Variants in SEMA3D observed in about 807,000 individuals in gnomAD.
SEMA3D encodes semaphorin 3D, also known as semaphorin-3D.
SEMA3D carries 84 observed loss-of-function variants against 100.1 expected under a neutral mutation model. The observed-to-expected ratio is 0.84, with a 90% CI of 0.70 to 1.01. SEMA3D has a LOEUF of 1.01. SEMA3D is among the 50% of genes least tolerant of loss of function. The probability of loss-of-function intolerance (pLI) is 0.00; values close to 1 mark genes in which losing one functional copy is unlikely to be tolerated. For missense variants in SEMA3D, 875 were observed against 934.1 expected, an observed-to-expected ratio of 0.94 and a Z score of 0.82; for synonymous variants, 312 against 320.7, an observed-to-expected ratio of 0.97 and a Z score of 0.29.
At chr7:85,143,179 ATCAGG>A in intron 2 of SEMA3D, 1 of 977,796 alleles carries the variant, frequency 1.0e-6, no homozygotes, top group Non-Finnish European at 1.2e-6. Context: ...TGCATATAAA[ATCAGG>A]TCATATGAGA....
At chr7:85,052,547 G>T (rs945076993) in intron 9 of SEMA3D, among the ~76,000 whole-genome samples, 1 of 151,894 alleles carries the variant, frequency 6.6e-6, no homozygotes, top group East Asian at 1.9e-4. Context: ...TGAAATGCCT[G>T]GCCTCCATTC....
At chr7:85,114,949 G>A (rs1789194879) in intron 3 of SEMA3D, among the ~76,000 whole-genome samples, 1 of 151,966 alleles carries the variant, frequency 6.6e-6, no homozygotes, top group African/African-American at 2.4e-5. Flanking sequence ...TGATTACAAA[G>A]ACAATTTATC....
Position 85,022,464 on chromosome 7 carries a change from G to A in SEMA3D, c.1341C>T (p.Tyr447=). ...GATCCACCACTATCTGTGTCAGTCT[G>A]TAATCCACATTGATTCTCTTGAACG... ...GPTFKRINVD[Y]RLTQIVVDHV... Residue 447 remains tyrosine, a synonymous_variant, in exon 13 of 19, where the codon TAC becomes TAT. Coordinates refer to ENST00000284136, the MANE Select transcript of SEMA3D (RefSeq NM_001384900.1). The A allele has an allele frequency of 6.2e-7, 1 of 1,612,520 alleles. No individual in the cohort carries two copies. Among genetic ancestry groups the A allele is most frequent in the Non-Finnish European group, 8.5e-7 (1 of 1,178,948 alleles).
At chr7:85,240,912 A>G in the SEMA3D span, among the ~76,000 whole-genome samples, 2 of 152,118 alleles carry the variant, frequency 1.3e-5, no homozygotes, top group Non-Finnish European at 2.9e-5. Flanking sequence ...TTCACAATCT[A>G]TTCATCTGAC....
the SEMA3D span, among the ~76,000 whole-genome samples, chr7:85,246,122 T>C: frequency 6.6e-6 from 1 of 152,122 alleles, no homozygotes; most frequent in African/African-American, 2.4e-5. Flanking sequence ...TATGCAAATA[T>C]ATTCATTTAG....
the SEMA3D span, among the ~76,000 whole-genome samples, chr7:85,226,176 A>AATTAC: frequency 2.6e-5 from 4 of 152,246 alleles, no homozygotes; most frequent in South Asian, 6.2e-4. Context: ...CTCCACTGTA[A>AATTAC]ATAGTCTTTA....
intron 13 of SEMA3D, among the ~76,000 whole-genome samples, 179 bp downstream of exon 13, chr7:85,022,212 G>C (rs142591906): frequency 1.6e-4 from 25 of 151,996 alleles, no homozygotes; most frequent in African/African-American, 5.5e-4. Flanking sequence ...CAGATTTGAA[G>C]TTGGGAGATA....
At chr7:85,086,462 C>T (rs1293698412) in intron 4 of SEMA3D, among the ~76,000 whole-genome samples, 1 of 151,864 alleles carries the variant, frequency 6.6e-6, no homozygotes, top group African/African-American at 2.4e-5. Context: ...CTTATTCTTA[C>T]ATAGAATTGG....
intron 5 of SEMA3D, among the ~76,000 whole-genome samples, chr7:85,074,761 T>C (rs1791876798): frequency 6.6e-6 from 1 of 151,812 alleles, no homozygotes; most frequent in Non-Finnish European, 1.5e-5. Context: ...GAACTACAGG[T>C]GCAAGTCATC....
chr7:85,164,215 T>C (rs1790829480), intron 1 of SEMA3D, among the ~76,000 whole-genome samples: 3 of 152,134 alleles, frequency 2.0e-5, no homozygotes, highest in African/African-American at 7.2e-5. Context: ...GAGCCTTCAC[T>C]GAATAATAAC....
At chr7:85,094,245 C>T (rs147824236) in intron 4 of SEMA3D, among the ~76,000 whole-genome samples, 147 of 152,018 alleles carry the variant, frequency 9.7e-4, no homozygotes, top group South Asian at 1.5e-3. Flanking sequence ...GAAGTCAATA[C>T]TAAGAAGCCT....
rs186675762 is a variant in SEMA3D at position 85,122,101 on chromosome 7, G to A, written c.-40-170C>T. Among the ~76,000 whole-genome samples the A allele has an allele frequency of 7.2e-5, 11 of 152,068 alleles. No individual in the cohort carries two copies. In the East Asian group the frequency reaches 1.6e-3, roughly 21 times the overall value. On this transcript the variant is annotated intron_variant, in intron 2 of 18. Transcript: ENST00000284136. ...AGGGCCTGTTGGGGGCTGGGGGCTG[G>A]GGGAGGGAGAGCATTAGGAGAAATA...
At chr7:85,168,958 A>G (rs1318561334) in intron 1 of SEMA3D, among the ~76,000 whole-genome samples, 1 of 151,594 alleles carries the variant, frequency 6.6e-6, no homozygotes, top group African/African-American at 2.4e-5. Context: ...GCTTGTGCTC[A>G]GTTGTCCATG....
At chr7:85,118,997 CAT>C (rs1246095035) in intron 3 of SEMA3D, among the ~76,000 whole-genome samples, 1 of 142,816 alleles carries the variant, frequency 7.0e-6, no homozygotes, top group African/African-American at 2.5e-5. Flanking sequence ...GGGCAACAAT[CAT>C]GTGAAAAAAA....
Position 85,073,113 on chromosome 7 carries a change from C to T in SEMA3D, c.376-32G>A, listed in dbSNP as rs78169787. ...GGCACAAAAATTAAAAGCATTAACA[C>T]ACAATTCAGGTTTTTGAAATATTAT... On this transcript the variant is annotated intron_variant, in intron 5 of 18. Transcript: ENST00000284136. The T allele has an allele frequency of 4.4e-3, 6,984 of 1,604,530 alleles. 243 individuals are homozygous for T. In the African/African-American group the frequency reaches 0.08, roughly 18 times the overall value.
chr7:85,037,073 G>T (rs1790720160), intron 11 of SEMA3D, 40 bp from the exon 12 acceptor site: 1 of 1,595,150 alleles, frequency 6.3e-7, no homozygotes, highest in Non-Finnish European at 8.5e-7. Flanking sequence ...ATTCACTGAT[G>T]AATTCAATAA....
At chr7:85,205,129 T>C in the SEMA3D span, among the ~76,000 whole-genome samples, 3 of 152,108 alleles carry the variant, frequency 2.0e-5, no homozygotes, top group Non-Finnish European at 4.4e-5. Flanking sequence ...ATTTTTTACT[T>C]GAACTATTTG....
chr7:85,077,293 A>T (rs1791954141), intron 5 of SEMA3D, among the ~76,000 whole-genome samples: 1 of 152,028 alleles, frequency 6.6e-6, no homozygotes, highest in Non-Finnish European at 1.5e-5. Flanking sequence ...GATAGAAATG[A>T]CTATTTAAAT....
intron 1 of SEMA3D, among the ~76,000 whole-genome samples, chr7:85,185,422 C>G (rs1791512697): frequency 6.6e-6 from 1 of 152,144 alleles, no homozygotes; most frequent in African/African-American, 2.4e-5. Context: ...AGGTCTTCTC[C>G]CCTCTTCTTT....
Sources: allele counts gnomAD v4.1 joint callset (sites outside exome capture counted in the v4.1 genomes callset), GRCh38; gene constraint gnomAD v4.1.1; transcripts MANE v1.5; gene names NCBI Gene and HGNC (gene_info 2026-07-23, HGNC 2026-07-21).